The following PUM2 variants were observed in gnomAD, a reference collection of about 807,000 sequenced individuals.
PUM2 encodes pumilio RNA binding family member 2.
Under a neutral mutation model 124.5 loss-of-function variants are expected in PUM2, and 57 were observed. The ratio of observed to expected loss-of-function variants is 0.46; its 90% CI spans 0.37 to 0.57. The LOEUF (loss-of-function observed/expected upper bound fraction) is 0.57. Ranked by LOEUF, PUM2 falls within the 20% of genes least tolerant of loss-of-function variation. The pLI is 0.00. For missense variants in PUM2, 1,065 were observed against 1,290.6 expected (o/e 0.83, Z 2.68); for synonymous variants, 460 against 446.1 (o/e 1.03, Z -0.39).
At chr2:20,294,632 C>A in intron 8 of PUM2, 114 bp from the exon 9 acceptor site, 1 of 1,208,966 alleles carries the variant, frequency 8.3e-7, no homozygotes, top group East Asian at 2.6e-5. Context: ...TAGAGAAGAA[C>A]ATGTCTTTAT....
intron 17 of PUM2, 48 bp from the exon 18 acceptor site, chr2:20,255,389 A>G: frequency 2.5e-6 from 4 of 1,578,202 alleles, no homozygotes; most frequent in Non-Finnish European, 3.4e-6. Flanking sequence ...GACATTTTTG[A>G]ACAGTTCTAT....
chr2:20,288,596 A>C (rs903637305), intron 10 of PUM2, among the ~76,000 whole-genome samples: 3 of 152,212 alleles, frequency 2.0e-5, no homozygotes, highest in African/African-American at 7.2e-5. Context: ...ACGGAAAAAC[A>C]ATAGCACACA....
chr2:20,342,745 G>T (rs1227769454), intron 1 of PUM2, among the ~76,000 whole-genome samples: 1 of 152,188 alleles, frequency 6.6e-6, no homozygotes, highest in Admixed American at 6.5e-5. Context: ...TCATTTAGGT[G>T]ATTAGCATGA....
intron 13 of PUM2, among the ~76,000 whole-genome samples, chr2:20,277,605 T>A (rs1471855331): frequency 6.6e-6 from 1 of 152,114 alleles, no homozygotes; most frequent in East Asian, 1.9e-4. Flanking sequence ...ATTAGTAAGT[T>A]TTTTTGCTTG....
chr2:20,322,508 G>A (rs1204512298), intron 2 of PUM2, among the ~76,000 whole-genome samples: 1 of 152,162 alleles, frequency 6.6e-6, no homozygotes, highest in African/African-American at 2.4e-5. Context: ...TATTTAGGAG[G>A]CTGAGATGGG....
chr2:20,298,072 T>C (rs1198009774), intron 7 of PUM2, among the ~76,000 whole-genome samples: 2 of 152,232 alleles, frequency 1.3e-5, no homozygotes, highest in Non-Finnish European at 2.9e-5. Flanking sequence ...CTCAATCTTA[T>C]AAAGTCACAT....
At chr2:20,318,725 G>T in intron 2 of PUM2, 80 bp from the exon 3 acceptor site, 1 of 959,624 alleles carries the variant, frequency 1.0e-6, no homozygotes, top group Non-Finnish European at 1.6e-6. Flanking sequence ...ACATATCACT[G>T]CTATGTATAC....
At chr2:20,293,108 G>A (rs1674623847) in intron 9 of PUM2, among the ~76,000 whole-genome samples, 1 of 152,108 alleles carries the variant, frequency 6.6e-6, no homozygotes, top group East Asian at 1.9e-4. Context: ...AAGAACACAG[G>A]ATTATATATC....
intron 15 of PUM2, among the ~76,000 whole-genome samples, chr2:20,259,707 C>T (rs769644137): frequency 6.1e-4 from 93 of 152,308 alleles, no homozygotes; most frequent in Middle Eastern, 6.8e-3. Context: ...GGGCTGTTTC[C>T]GCCTTTTGGC....
In PUM2 at chr2:20,322,213, A is replaced by G. The variant is rs139762858; in HGVS notation, c.52-3568T>C. ...ATAATCATGCCATGAGAAGATATAG[A>G]TCTGAGCTGTCCTGGGCAAATCAGA... On this transcript the variant is annotated intron_variant, in intron 2 of 20. Coordinates refer to ENST00000361078, the MANE Select transcript of PUM2 (RefSeq NM_015317.5). 4.3e-3 allele frequency among the ~76,000 whole-genome samples: 655 copies of G among 152,248 alleles called. 5 individuals are homozygous for G. The highest frequency in any genetic ancestry group is 0.015 in the African/African-American group (617 of 41,538).
Position 20,251,053 on chromosome 2 carries a change from CAACTT to C in PUM2, c.*527_*531del, listed in dbSNP as rs1174513585. The C allele has an allele frequency of 9.2e-5, 14 of 152,602 alleles. No homozygotes were observed. The highest frequency in any genetic ancestry group is 4.1e-4 in the South Asian group (2 of 4,828). 9.5% of individuals were successfully genotyped at this position (152,602 alleles called of 1,614,324 possible). Reference sequence around the variant, plus strand: ...TGATAGTTTGTGAATTATCAAAATACAACTTAACTCTTTTTAAAATATTAATAATA... The same window carrying C: ...TGATAGTTTGTGAATTATCAAAATACAACTCTTTTTAAAATATTAATAATA... On this transcript the variant is annotated 3_prime_UTR_variant, in exon 21 of 21. Transcript: ENST00000361078.
At chr2:20,306,558 G>A (rs62123457) in intron 7 of PUM2, among the ~76,000 whole-genome samples, 30 of 151,668 alleles carry the variant, frequency 2.0e-4, no homozygotes, top group African/African-American at 1.2e-4. Context: ...GGAAAGAAAC[G>A]GGGCCAGAGT....
rs1198335966 is a variant in PUM2 at position 20,250,719 on chromosome 2, A to G, written c.*866T>C. The G allele has an allele frequency of 1.3e-5, 2 of 152,282 alleles. No individual in the cohort carries two copies. Among genetic ancestry groups the G allele is most frequent in the African/African-American group, 4.8e-5 (2 of 41,436 alleles). The allele number at this position is 152,282 out of a possible 1,614,324, so 9.4% of individuals were successfully genotyped here. ...ATGAAAAAGCAAAATAAAGCTCAAC[A>G]CTTCCTCAACATGTCTGTAATTCTA... On this transcript the variant is annotated 3_prime_UTR_variant, in exon 21 of 21. Coordinates refer to ENST00000361078, the MANE Select transcript of PUM2 (RefSeq NM_015317.5).
intron 13 of PUM2, among the ~76,000 whole-genome samples, chr2:20,276,779 C>A (rs1455113998): frequency 6.6e-6 from 1 of 151,954 alleles, no homozygotes; most frequent in Non-Finnish European, 1.5e-5. Flanking sequence ...ACCACTAAAA[C>A]TATGGGAAAC....
intron 2 of PUM2, among the ~76,000 whole-genome samples, chr2:20,324,558 G>A (rs756765312): frequency 6.6e-6 from 1 of 152,168 alleles, no homozygotes; most frequent in African/African-American, 2.4e-5. Context: ...TAATAGGTAT[G>A]AGCCTATGCA....
chr2:20,282,083 T>A (rs1671670741), intron 12 of PUM2, among the ~76,000 whole-genome samples: 1 of 152,204 alleles, frequency 6.6e-6, no homozygotes, highest in African/African-American at 2.4e-5. Flanking sequence ...GTCCAAATAG[T>A]CCTATCCTCA....
At chr2:20,339,958 G>C (rs1686906717) in intron 1 of PUM2, among the ~76,000 whole-genome samples, 1 of 150,820 alleles carries the variant, frequency 6.6e-6, no homozygotes, top group African/African-American at 2.4e-5. Flanking sequence ...ATCTAGATTA[G>C]TTCTATCCTA....
At chr2:20,344,436 C>A (rs1347180763) in intron 1 of PUM2, among the ~76,000 whole-genome samples, 1 of 152,194 alleles carries the variant, frequency 6.6e-6, no homozygotes, top group African/African-American at 2.4e-5. Context: ...CACAGTAATT[C>A]TCTAAGGCTT....
intron 15 of PUM2, 63 bp from the exon 16 acceptor site, chr2:20,258,434 A>G: frequency 1.3e-6 from 2 of 1,535,120 alleles, no homozygotes; most frequent in Non-Finnish European, 1.8e-6. Flanking sequence ...GAACTTGAGT[A>G]AGGCAGTGTT....
Sources: gnomAD v4.1 joint callset for allele counts (sites outside exome capture counted in the v4.1 genomes callset) on GRCh38, gnomAD v4.1.1 for gene constraint, MANE v1.5 for transcripts, NCBI Gene and HGNC (gene_info 2026-07-23, HGNC 2026-07-21) for gene names.